APP: variants seen among roughly 807,000 people sequenced by gnomAD.
The protein encoded by APP is amyloid-beta precursor protein.
Under a neutral mutation model 101.4 loss-of-function variants are expected in APP, and 31 were observed. The observed-to-expected ratio is 0.31, with a 90% CI of 0.23 to 0.41. The LOEUF (loss-of-function observed/expected upper bound fraction) is 0.41. Among genes scored for constraint, APP ranks in the 10% least tolerant of loss-of-function variants. The pLI, the probability that APP is intolerant of heterozygous loss-of-function variation, is 1.00. For synonymous variants in APP, 366 were observed against 364.4 expected, an observed-to-expected ratio of 1.00 and a Z score of -0.05; for missense variants, 839 against 1,003.7, an observed-to-expected ratio of 0.84 and a Z score of 2.22.
rs150889857 is a variant in APP, at chr21:26,160,400, A to T, written c.57+10164T>A. Among the ~76,000 whole-genome samples, 140 of 152,298 alleles carry T rather than the reference A, an allele frequency of 9.2e-4. 3 individuals are homozygous for T. The East Asian group carries it at 0.015, about 17-fold the overall frequency. On this transcript the variant is annotated intron_variant, in intron 1 of 17. Coordinates refer to ENST00000346798, the MANE Select transcript of APP (RefSeq NM_000484.4). ...ATTTAAATTTTCTGGATTCTGTGGT[A>T]TAAGAGGATTTAACACTTGACACAA...
chr21:25,937,545 TA>T (rs1407973700), intron 13 of APP, among the ~76,000 whole-genome samples: 1 of 152,162 alleles, frequency 6.6e-6, no homozygotes, highest in Non-Finnish European at 1.5e-5. Flanking sequence ...CTTATTAAAA[TA>T]AAATAATATC....
chr21:25,946,679 A>AAAAATG (rs1414606849), intron 13 of APP, among the ~76,000 whole-genome samples: 1 of 133,788 alleles, frequency 7.5e-6, no homozygotes, highest in Non-Finnish European at 1.8e-5. Context: ...AAATAAAAAT[A>AAAAATG]AAAATAAAAA....
intron 5 of APP, among the ~76,000 whole-genome samples, chr21:26,025,645 T>C (rs2044536516): frequency 6.6e-6 from 1 of 152,204 alleles, no homozygotes; most frequent in Non-Finnish European, 1.5e-5. Flanking sequence ...ATCTGCATTC[T>C]GGTATGTGTC....
intron 3 of APP, among the ~76,000 whole-genome samples, chr21:26,065,106 G>A (rs9978084): frequency 6.6e-6 from 1 of 151,976 alleles, no homozygotes; most frequent in Non-Finnish European, 1.5e-5. Context: ...CACCTGCCTC[G>A]GCCTCCCAAA....
intron 9 of APP, among the ~76,000 whole-genome samples, chr21:25,976,995 C>A (rs762327326): frequency 1.3e-5 from 2 of 152,192 alleles, no homozygotes; most frequent in Non-Finnish European, 2.9e-5. Context: ...TGTTCTTGGA[C>A]TTCCCCACCT....
intron 15 of APP, among the ~76,000 whole-genome samples, chr21:25,903,084 T>C (rs1360063300): frequency 8.5e-5 from 1 of 11,706 alleles, no homozygotes; most frequent in African/African-American, 3.7e-4. Flanking sequence ...TTTAAAAGAA[T>C]AGGCCGGGCA....
intron 2 of APP, among the ~76,000 whole-genome samples, chr21:26,106,520 T>G (rs1297250447): frequency 6.6e-6 from 1 of 152,192 alleles, no homozygotes; most frequent in African/African-American, 2.4e-5. Context: ...ATCTCCTTTC[T>G]GCCTAGTTCT....
intron 16 of APP, among the ~76,000 whole-genome samples, chr21:25,893,618 C>T (rs1484959859): frequency 1.3e-5 from 2 of 152,142 alleles, no homozygotes; most frequent in Non-Finnish European, 2.9e-5. Flanking sequence ...ACAAGGCCCA[C>T]AACTGTCTTC....
At chr21:26,022,241 G>C (rs2044373850) in intron 5 of APP, among the ~76,000 whole-genome samples, 199 bp from the exon 6 acceptor site, 1 of 152,164 alleles carries the variant, frequency 6.6e-6, no homozygotes, top group Non-Finnish European at 1.5e-5. Context: ...AGTTTCTGCA[G>C]TTGCTAAAAG....
intron 17 of APP, among the ~76,000 whole-genome samples, chr21:25,890,779 G>C (rs551907150): frequency 2.7e-5 from 4 of 149,892 alleles, no homozygotes; most frequent in South Asian, 2.1e-4. Flanking sequence ...CTCTGAGCTT[G>C]ACCTTGCATA....
chr21:25,945,022 T>C (rs1358193337), intron 13 of APP, among the ~76,000 whole-genome samples: 2 of 152,224 alleles, frequency 1.3e-5, no homozygotes, highest in Non-Finnish European at 2.9e-5. Context: ...CGGCAGACTT[T>C]GGCGTGGGAG....
At chr21:26,091,262 G>A (rs1287606701) in intron 2 of APP, among the ~76,000 whole-genome samples, 1 of 152,186 alleles carries the variant, frequency 6.6e-6, no homozygotes, top group African/African-American at 2.4e-5. Context: ...GTAAAAGGTG[G>A]TAGGGACCAG....
intron 1 of APP, chr21:26,140,163 A>C (rs1456277450): frequency 2.3e-5 from 36 of 1,535,510 alleles, no homozygotes; most frequent in Non-Finnish European, 2.9e-5. Context: ...ATAGTTGATA[A>C]ACAGAACCAA....
At chr21:26,137,135 T>A (rs1039894431) in intron 1 of APP, among the ~76,000 whole-genome samples, 2 of 152,168 alleles carry the variant, frequency 1.3e-5, no homozygotes, top group Admixed American at 6.5e-5. Context: ...AGAGACAGCA[T>A]TTGGCCATGT....
rs186246775 is a variant in APP at position 26,140,468 on chromosome 21, G to A, written c.58-28322C>T. 70 of 866,336 alleles carry A rather than the reference G, an allele frequency of 8.1e-5. 3 individuals are homozygous for A. In the South Asian group the frequency reaches 1.6e-3, roughly 20 times the overall value. The allele number at this position is 866,336 out of a possible 1,614,324, so 53.7% of individuals were successfully genotyped here. A position where few individuals can be genotyped will look rare whatever the true frequency, so the allele number is the denominator to read the frequency against. On this transcript the variant is annotated intron_variant, in intron 1 of 17. Coordinates refer to ENST00000346798, the MANE Select transcript of APP (RefSeq NM_000484.4). ...CAAAGCCTCCGGAACTCTGTCTTGG[G>A]TAGAGTAAATCAATTTCCTTTTGTA...
intron 13 of APP, among the ~76,000 whole-genome samples, chr21:25,949,518 A>G (rs987329263): frequency 6.6e-6 from 1 of 152,228 alleles, no homozygotes; most frequent in African/African-American, 2.4e-5. Flanking sequence ...AGTTTTGGTC[A>G]GGTCTTTAGG....
intron 1 of APP, among the ~76,000 whole-genome samples, chr21:26,129,967 C>G: frequency 6.6e-6 from 1 of 152,156 alleles, no homozygotes; most frequent in South Asian, 2.1e-4. Flanking sequence ...TAGGGTGATA[C>G]GGTGATAAAT....
intron 1 of APP, among the ~76,000 whole-genome samples, chr21:26,135,730 A>G (rs1378108717): frequency 6.6e-6 from 1 of 152,152 alleles, no homozygotes; most frequent in Non-Finnish European, 1.5e-5. Flanking sequence ...CTCTCTCATC[A>G]TCCCAGATCT....
upstream of APP, chr21:26,170,924 AC>A (rs11299404): frequency 1 from 303,750 of 303,758 alleles, 151,871 homozygotes; most frequent in Middle Eastern, 1. Context: ...CCACAGGTGC[AC>A]GCGCCCTTGG....
Sources: allele counts gnomAD v4.1 joint callset (sites outside exome capture counted in the v4.1 genomes callset), GRCh38; gene constraint gnomAD v4.1.1; transcripts MANE v1.5; gene names NCBI Gene and HGNC (gene_info 2026-07-23, HGNC 2026-07-21).